The following NOL8 variants were observed in gnomAD, a reference collection of about 807,000 sequenced individuals.
NOL8 encodes nucleolar protein 8, also known as nucleolar protein Nop132.
In NOL8, 93 loss-of-function variants were observed where a neutral mutation model predicts 116.1. That is an observed-to-expected ratio of 0.80 (90% CI 0.68 to 0.95). The LOEUF (loss-of-function observed/expected upper bound fraction) is 0.95, where lower values mean the gene tolerates loss of function less well. Ranked by LOEUF, NOL8 falls within the 40% of genes least tolerant of loss-of-function variation. NOL8 has a pLI of 0.00. For missense variants in NOL8, 1,291 were observed against 1,382.8 expected (o/e 0.93, Z 1.05); for synonymous variants, 419 against 469.0 (o/e 0.89, Z 1.38).
intron 7 of NOL8, among the ~76,000 whole-genome samples, chr9:92,312,518 G>C (rs1007148805): frequency 1.4e-5 from 2 of 148,128 alleles, no homozygotes; most frequent in South Asian, 2.2e-4. Context: ...GGTGGAAAGA[G>C]AGTAAGGATT....
In NOL8 at chr9:92,300,735, A is replaced by G. The variant is rs1274270609; in HGVS notation, c.3176-719T>C. The G allele has an allele frequency of 8.4e-6, 10 of 1,185,874 alleles. No individual in the cohort carries two copies. The Admixed American group carries it at 2.5e-4, about 30-fold the overall frequency. 73.5% of individuals were successfully genotyped at this position (1,185,874 alleles called of 1,614,324 possible). On this transcript the variant is annotated intron_variant, in intron 13 of 16. Coordinates refer to ENST00000442668, the MANE Select transcript of NOL8 (RefSeq NM_017948.6). The stretch of plus-strand genomic sequence containing the variant: ...AGATTGTTATACTTCCTTTTAAAGT[A>G]CCACGGAGTTGGTATTATCTGCTAG...
rs1837605303 is a variant in NOL8, at chr9:92,300,100, C to T, written c.3176-84G>A. On this transcript the variant is annotated intron_variant, in intron 13 of 16. Transcript: ENST00000442668. ...GAACACATTCATTTGATTACTTTTA[C>T]CACGTAGACATATCTAAAGTTCCAA... 36 of 1,499,844 alleles carry T rather than the reference C, an allele frequency of 2.4e-5. No individual in the cohort carries two copies. The South Asian group carries it at 4.8e-4, about 20-fold the overall frequency. 92.9% of individuals were successfully genotyped at this position (1,499,844 alleles called of 1,614,324 possible).
intron 4 of NOL8, 136 bp from the exon 5 acceptor site, chr9:92,319,492 T>A: frequency 1.3e-6 from 1 of 793,092 alleles, no homozygotes; most frequent in Non-Finnish European, 1.8e-6. Flanking sequence ...ACAAAAATGC[T>A]TTCTTAGTAG....
At chr9:92,324,710 CAAAAGAAT>C (rs1840293356) in intron 1 of NOL8, 1 of 151,962 alleles carries the variant, frequency 6.6e-6, no homozygotes, top group Admixed American at 6.6e-5. Context: ...CTTATAGTCA[CAAAAGAAT>C]AAAACAAATG....
chr9:92,302,738 C>A (rs1837861200), intron 12 of NOL8, among the ~76,000 whole-genome samples: 1 of 152,178 alleles, frequency 6.6e-6, no homozygotes, highest in South Asian at 2.1e-4. Context: ...TGAGTGTGAG[C>A]TGGACTTAGT....
Position 92,297,838 on chromosome 9 carries a change from AT to A in NOL8, c.3501del (p.Lys1167AsnfsTer35). 1 of 1,547,988 alleles carries A rather than the reference AT, an allele frequency of 6.5e-7. No homozygotes were observed. Among genetic ancestry groups the A allele is most frequent in the Non-Finnish European group, 8.7e-7 (1 of 1,145,066 alleles). Reference protein sequence around the residue: ...HKDAKRKMKPK With the variant: ...HKDAKRKMKPX ...GTATCAAAACCAGCTGACATTTATT[AT>A]TTTGGTTTCATTTTCCTTTTTGCGT... is the stretch of plus-strand genomic sequence containing the variant. On this transcript the variant is annotated frameshift_variant, in exon 17 of 17. Transcript: ENST00000442668. LOFTEE classifies it high-confidence loss of function.
chr9:92,302,596 C>T (rs998783062), intron 12 of NOL8, among the ~76,000 whole-genome samples: 1 of 152,126 alleles, frequency 6.6e-6, no homozygotes, highest in African/African-American at 2.4e-5. Context: ...TCTTAGGAAA[C>T]CAAGCTCTAT....
At chr9:92,312,587 G>A (rs1265195262) in intron 7 of NOL8, among the ~76,000 whole-genome samples, 1 of 151,598 alleles carries the variant, frequency 6.6e-6, no homozygotes, top group African/African-American at 2.4e-5. Flanking sequence ...AACACTTTGG[G>A]AGGCCAAGAC....
chr9:92,318,816 G>A (rs1414985552), intron 5 of NOL8, 130 bp from the exon 6 acceptor site: 4 of 596,624 alleles, frequency 6.7e-6, no homozygotes, highest in Non-Finnish European at 1.1e-5. Flanking sequence ...TTCTGACAAT[G>A]AAATAAGAGT....
chr9:92,319,137 T>G, intron 5 of NOL8, 84 bp downstream of exon 5: 1 of 1,409,248 alleles, frequency 7.1e-7, no homozygotes. Flanking sequence ...GTAACTGGTT[T>G]TAGACATGAC....
chr9:92,297,963 T>C, intron 16 of NOL8, 77 bp from the exon 17 acceptor site: 1 of 1,231,914 alleles, frequency 8.1e-7, no homozygotes, highest in Non-Finnish European at 1.1e-6. Flanking sequence ...TAAAACAGGT[T>C]ATTCTCACTG....
At chr9:92,320,022 C>T in intron 4 of NOL8, 2 of 454,936 alleles carry the variant, frequency 4.4e-6, no homozygotes, top group Admixed American at 4.7e-5. Flanking sequence ...CTCAATTTTC[C>T]CCTTTCAATT....
intron 7 of NOL8, among the ~76,000 whole-genome samples, chr9:92,313,374 A>G (rs914508157): frequency 6.6e-6 from 1 of 152,206 alleles, no homozygotes; most frequent in Admixed American, 6.5e-5. Flanking sequence ...TAAATATGTT[A>G]GGCTTTGCAG....
chr9:92,306,378 A>G (rs891206781), intron 11 of NOL8, among the ~76,000 whole-genome samples: 3 of 152,220 alleles, frequency 2.0e-5, no homozygotes, highest in Non-Finnish European at 4.4e-5. Context: ...TAAAATACAT[A>G]CAGATAAAAT....
rs750872776 is a variant in NOL8, at chr9:92,323,534, AATTT to A, written c.140-35_140-32del. 19 of 1,543,466 alleles carry A rather than the reference AATTT, an allele frequency of 1.2e-5. No individual in the cohort carries two copies. The East Asian group carries it at 3.7e-4, about 30-fold the overall frequency. On this transcript the variant is annotated intron_variant, in intron 2 of 16. Transcript: ENST00000442668. ...AAACAAACAAACAAACAAACAAAAC[AATTT>A]ATTTAAATTCTTATCCAGAGAGCAA...
At chr9:92,303,813 A>G (rs970293942) in intron 12 of NOL8, among the ~76,000 whole-genome samples, 1 of 152,176 alleles carries the variant, frequency 6.6e-6, no homozygotes, top group African/African-American at 2.4e-5. Flanking sequence ...CTAAGATTAT[A>G]CAAAAAAGAA....
chr9:92,320,932 T>A (rs1291520742), intron 4 of NOL8, among the ~76,000 whole-genome samples: 1 of 152,220 alleles, frequency 6.6e-6, no homozygotes, highest in Non-Finnish European at 1.5e-5. Context: ...TTAAATTGTT[T>A]CCTATTTTGA....
At chr9:92,298,178 T>C (rs542946047) in intron 16 of NOL8, 79 bp downstream of exon 16, 1 of 1,091,138 alleles carries the variant, frequency 9.2e-7, no homozygotes, top group Admixed American at 2.1e-5. Flanking sequence ...ATACCATTCA[T>C]GAGTTCCCTT....
intron 13 of NOL8, chr9:92,300,814 C>T: frequency 1.1e-6 from 1 of 881,358 alleles, no homozygotes. Context: ...ACTCTGTCTC[C>T]AAAAAAAAAA....
Sources: gnomAD v4.1 joint callset for allele counts (sites outside exome capture counted in the v4.1 genomes callset) on GRCh38, gnomAD v4.1.1 for gene constraint, MANE v1.5 for transcripts, NCBI Gene and HGNC (gene_info 2026-07-23, HGNC 2026-07-21) for gene names.